Variants in PPFIA2 observed in about 807,000 individuals in gnomAD.
PPFIA2 encodes the protein PPFI scaffold protein A2.
PPFIA2 carries 46 observed loss-of-function variants against 175.5 expected under a neutral mutation model. The ratio of observed to expected loss-of-function variants is 0.26; its 90% CI spans 0.21 to 0.34. The LOEUF is 0.34. Ranked by LOEUF, PPFIA2 falls within the 10% of genes least tolerant of loss-of-function variation. The probability of loss-of-function intolerance (pLI) is 1.00; values close to 1 mark genes in which losing one functional copy is unlikely to be tolerated. For synonymous variants in PPFIA2, 568 were observed against 511.4 expected, an observed-to-expected ratio of 1.11 and a Z score of -1.49; for missense variants, 1,179 against 1,506.1, an observed-to-expected ratio of 0.78 and a Z score of 3.60.
At chr12:81,637,934 C>A (rs1015651558) in intron 4 of PPFIA2, among the ~76,000 whole-genome samples, 1 of 152,034 alleles carries the variant, frequency 6.6e-6, no homozygotes, top group African/African-American at 2.4e-5. Context: ...AGATTTTAAA[C>A]GAGATATAAT....
At chr12:81,268,572 A>G (rs1173737102) in intron 28 of PPFIA2, among the ~76,000 whole-genome samples, 1 of 152,236 alleles carries the variant, frequency 6.6e-6, no homozygotes, top group Non-Finnish European at 1.5e-5. Context: ...TTAATAATTA[A>G]TCTTTTCGAG....
chr12:81,282,922 A>C, intron 26 of PPFIA2, 88 bp downstream of exon 26: 1 of 1,197,112 alleles, frequency 8.4e-7, no homozygotes, highest in Non-Finnish European at 1.2e-6. Flanking sequence ...GAAGGTTTAC[A>C]ATATTATGAC....
At chr12:81,652,557 C>T (rs999525098) in intron 4 of PPFIA2, among the ~76,000 whole-genome samples, 7 of 152,026 alleles carry the variant, frequency 4.6e-5, no homozygotes, top group African/African-American at 1.4e-4. Flanking sequence ...ATATCAATTA[C>T]TGTGGGGCAA....
At chr12:81,706,009 T>C (rs2077090635) in intron 3 of PPFIA2, among the ~76,000 whole-genome samples, 2 of 152,172 alleles carry the variant, frequency 1.3e-5, no homozygotes, top group Non-Finnish European at 2.9e-5. Flanking sequence ...CTATTAAAAG[T>C]ATTTTTTTAT....
intron 4 of PPFIA2, among the ~76,000 whole-genome samples, chr12:81,554,825 C>A (rs1328668074): frequency 6.6e-6 from 1 of 151,974 alleles, no homozygotes; most frequent in Non-Finnish European, 1.5e-5. Context: ...GTTATTTCAG[C>A]ACAAGAACTG....
At chr12:81,567,250 C>T (rs1018696298) in intron 4 of PPFIA2, among the ~76,000 whole-genome samples, 3 of 152,042 alleles carry the variant, frequency 2.0e-5, no homozygotes, top group South Asian at 2.1e-4. Flanking sequence ...GGGGTTTCAC[C>T]GTGTTAGCCA....
chr12:81,559,480 A>G (rs113145544), intron 4 of PPFIA2, among the ~76,000 whole-genome samples: 5 of 152,322 alleles, frequency 3.3e-5, no homozygotes, highest in African/African-American at 1.2e-4. Context: ...TTTTATTCCA[A>G]AGCTAAGTTA....
chr12:81,334,479 C>T (rs2056741615), intron 21 of PPFIA2, among the ~76,000 whole-genome samples: 1 of 120,334 alleles, frequency 8.3e-6, no homozygotes, highest in Non-Finnish European at 1.8e-5. Context: ...TATGTCTTCT[C>T]TCCCTCCACC....
chr12:81,376,847 T>G (rs1358959496), intron 9 of PPFIA2, among the ~76,000 whole-genome samples: 1 of 152,120 alleles, frequency 6.6e-6, no homozygotes, highest in Non-Finnish European at 1.5e-5. Flanking sequence ...CCAGAATCAT[T>G]TCATCACTTA....
At chr12:81,331,480 T>C (rs1363668272) in intron 21 of PPFIA2, among the ~76,000 whole-genome samples, 1 of 152,186 alleles carries the variant, frequency 6.6e-6, no homozygotes, top group African/African-American at 2.4e-5. Flanking sequence ...TGAAGCTGTG[T>C]TTTTGTCACT....
At chr12:81,723,659 C>T (rs947869918) in intron 3 of PPFIA2, among the ~76,000 whole-genome samples, 1 of 150,998 alleles carries the variant, frequency 6.6e-6, no homozygotes, top group African/African-American at 2.4e-5. Flanking sequence ...ATTATCTATA[C>T]ACATTGAAAA....
At chr12:81,295,930 C>T (rs1228590170) in intron 23 of PPFIA2, among the ~76,000 whole-genome samples, 2 of 152,084 alleles carry the variant, frequency 1.3e-5, no homozygotes, top group East Asian at 1.9e-4. Context: ...GCAGAGGTTG[C>T]AGTGAGCTGA....
At chr12:81,639,740 GA>G (rs1261977066) in intron 4 of PPFIA2, among the ~76,000 whole-genome samples, 1 of 152,042 alleles carries the variant, frequency 6.6e-6, no homozygotes, top group South Asian at 2.1e-4. Flanking sequence ...AATGTCTTTT[GA>G]ATAGGACTGA....
At chr12:81,502,849 T>C (rs1293239772) in intron 4 of PPFIA2, among the ~76,000 whole-genome samples, 1 of 152,164 alleles carries the variant, frequency 6.6e-6, no homozygotes, top group Non-Finnish European at 1.5e-5. Flanking sequence ...ATCTAAATAA[T>C]ATCTAAGATC....
At chr12:81,554,198 GT>G (rs1288545841) in intron 4 of PPFIA2, among the ~76,000 whole-genome samples, 3 of 152,004 alleles carry the variant, frequency 2.0e-5, no homozygotes, top group Non-Finnish European at 4.4e-5. Flanking sequence ...TACAAGTGAT[GT>G]CAAGATTTAC....
At chr12:81,517,308 T>C (rs1372441983) in intron 4 of PPFIA2, among the ~76,000 whole-genome samples, 1 of 152,056 alleles carries the variant, frequency 6.6e-6, no homozygotes, top group Admixed American at 6.6e-5. Flanking sequence ...TCCAGGAGAA[T>C]TACTGTCTCT....
chr12:81,576,151 T>C (rs559463926), intron 4 of PPFIA2, among the ~76,000 whole-genome samples: 2 of 151,664 alleles, frequency 1.3e-5, no homozygotes, highest in East Asian at 4.0e-4. Context: ...TCATGTGAAA[T>C]GTGCCTGATT....
Position 81,706,644 on chromosome 12 carries a change from G to A in PPFIA2, c.250-29800C>T, listed in dbSNP as rs113386015. On this transcript the variant is annotated intron_variant, in intron 3 of 32. Coordinates refer to ENST00000549396, the MANE Select transcript of PPFIA2 (RefSeq NM_003625.5). Reference sequence around the variant, plus strand: ...TGTGAGGTGTCAGTCTGCCCCTACCGGGGGGTGCCTCCCAGTTAGGCTGCT... The same window carrying A: ...TGTGAGGTGTCAGTCTGCCCCTACCAGGGGGTGCCTCCCAGTTAGGCTGCT... Among the ~76,000 whole-genome samples the A allele has an allele frequency of 4.0e-3, 616 of 152,176 alleles. 4 individuals carry two copies. The highest frequency in any genetic ancestry group is 0.014 in the African/African-American group (584 of 41,522).
intron 7 of PPFIA2, among the ~76,000 whole-genome samples, chr12:81,435,430 C>A (rs1332314010): frequency 6.6e-6 from 1 of 152,098 alleles, no homozygotes; most frequent in Admixed American, 6.6e-5. Context: ...TTCTTTTCTA[C>A]AGAAGTCATG....
Sources: allele counts gnomAD v4.1 joint callset (sites outside exome capture counted in the v4.1 genomes callset), GRCh38; gene constraint gnomAD v4.1.1; transcripts MANE v1.5; gene names NCBI Gene and HGNC (gene_info 2026-07-23, HGNC 2026-07-21).